UNC13B: variants seen among roughly 807,000 people sequenced by gnomAD.
The protein encoded by UNC13B is protein unc-13 homolog B.
In UNC13B, 144 loss-of-function variants were observed where a neutral mutation model predicts 211.0. That is an observed-to-expected ratio of 0.68 (90% CI 0.60 to 0.78). The LOEUF is 0.78. Ranked by LOEUF, UNC13B falls within the 30% of genes least tolerant of loss-of-function variation. The probability of loss-of-function intolerance (pLI) is 0.00; values close to 1 mark genes in which losing one functional copy is unlikely to be tolerated. For missense variants in UNC13B, 1,777 were observed against 2,002.0 expected, an observed-to-expected ratio of 0.89 and a Z score of 2.14; for synonymous variants, 709 against 725.8, an observed-to-expected ratio of 0.98 and a Z score of 0.37.
At chr9:35,314,538 C>T (rs966644860) in intron 11 of UNC13B, among the ~76,000 whole-genome samples, 1 of 152,082 alleles carries the variant, frequency 6.6e-6, no homozygotes, top group Non-Finnish European at 1.5e-5. Flanking sequence ...AGTCTTTAGG[C>T]AGAAGGTACT....
At chr9:35,310,165 A>G (rs1300409110) in intron 9 of UNC13B, among the ~76,000 whole-genome samples, 2 of 152,242 alleles carry the variant, frequency 1.3e-5, no homozygotes, top group African/African-American at 2.4e-5. Flanking sequence ...GTAACAGGCC[A>G]TTTTAATAAT....
intron 7 of UNC13B, among the ~76,000 whole-genome samples, chr9:35,263,724 G>T (rs10758301): frequency 0.54 from 82,045 of 151,854 alleles, 22,507 homozygotes; most frequent in Non-Finnish European, 0.57. Context: ...TTTGGAGACA[G>T]GGCCTGTGAG....
intron 9 of UNC13B, among the ~76,000 whole-genome samples, chr9:35,309,709 C>G (rs1830093710): frequency 6.6e-6 from 1 of 152,208 alleles, no homozygotes; most frequent in South Asian, 2.1e-4. Context: ...GAATACGGCT[C>G]TGACCCAGAT....
intron 11 of UNC13B, among the ~76,000 whole-genome samples, chr9:35,359,679 C>T (rs1287051640): frequency 6.6e-6 from 1 of 152,216 alleles, no homozygotes; most frequent in African/African-American, 2.4e-5. Flanking sequence ...CTCTCACAAC[C>T]TGTATTCAGT....
At chr9:35,259,783 G>A (rs1034568962) in intron 7 of UNC13B, among the ~76,000 whole-genome samples, 7 of 111,372 alleles carry the variant, frequency 6.3e-5, no homozygotes, top group African/African-American at 2.6e-4. Context: ...GTGTGTGTGT[G>A]TGTAGGGGGA....
intron 18 of UNC13B, 138 bp from the exon 19 acceptor site, chr9:35,380,962 C>A: frequency 1.3e-6 from 1 of 764,978 alleles, no homozygotes; most frequent in South Asian, 1.9e-5. Context: ...GAGTGATTCA[C>A]CCTATTTGGT....
intron 1 of UNC13B, among the ~76,000 whole-genome samples, chr9:35,220,761 T>G (rs1431079827): frequency 1.3e-5 from 2 of 152,190 alleles, no homozygotes; most frequent in Non-Finnish European, 2.9e-5. Context: ...TTTCCTTTTT[T>G]GGGGTATATA....
chr9:35,239,103 G>A (rs747869018), intron 5 of UNC13B, among the ~76,000 whole-genome samples: 6 of 151,898 alleles, frequency 4.0e-5, no homozygotes, highest in Non-Finnish European at 8.8e-5. Context: ...ATTATATCTG[G>A]GGAGTGCCTG....
chr9:35,397,406 T>C (rs1835956541), intron 29 of UNC13B, 96 bp downstream of exon 29: 1 of 1,548,200 alleles, frequency 6.5e-7, no homozygotes, highest in South Asian at 1.2e-5. Context: ...TGTGGCCTCC[T>C]GGTAAAGCTC....
intron 3 of UNC13B, among the ~76,000 whole-genome samples, chr9:35,232,198 T>TTTTTTTTTTTTTTTTTA (rs397941594): frequency 7.1e-6 from 1 of 141,272 alleles, no homozygotes; most frequent in Admixed American, 7.2e-5. Context: ...TTTTTTTTTT[T>TTTTTTTTTTTTTTTTTA]GAGGCAGGAT....
rs1030376370 is a variant in UNC13B at position 35,243,218 on chromosome 9, A to G, written c.395-73A>G. 1.1e-5 allele frequency: 16 copies of G among 1,437,968 alleles called. No homozygotes were observed. The African/African-American group carries it at 1.8e-4, about 16-fold the overall frequency. The allele number at this position is 1,437,968 out of a possible 1,614,324, so 89.1% of individuals were successfully genotyped here. A position where few individuals can be genotyped will look rare whatever the true frequency, so the allele number is the denominator to read the frequency against. The stretch of plus-strand genomic sequence containing the variant: ...TCTGACTTCAGTCATTAGACAGAGT[A>G]AAGTGTTATCTGCTGATGATTTATT... On this transcript the variant is annotated intron_variant, in intron 5 of 39. Coordinates refer to ENST00000635942, the MANE Select transcript of UNC13B (RefSeq NM_001371189.2).
intron 8 of UNC13B, among the ~76,000 whole-genome samples, chr9:35,297,180 C>G (rs939280424): frequency 2.7e-5 from 4 of 150,174 alleles, no homozygotes; most frequent in African/African-American, 9.8e-5. Flanking sequence ...CCTCAGCATC[C>G]CCGGTTCAAG....
intron 1 of UNC13B, among the ~76,000 whole-genome samples, chr9:35,183,539 T>G (rs1342465267): frequency 9.8e-4 from 38 of 38,624 alleles, no homozygotes; most frequent in Middle Eastern, 0.019. Flanking sequence ...ACCTCCCAGA[T>G]GAAGGGCGGC....
At chr9:35,185,014 G>T (rs1185358844) in intron 1 of UNC13B, among the ~76,000 whole-genome samples, 3 of 152,128 alleles carry the variant, frequency 2.0e-5, no homozygotes, top group South Asian at 2.1e-4. Context: ...TTCGTATGGG[G>T]GTTCCCTTCC....
chr9:35,258,903 C>A, intron 6 of UNC13B, 90 bp from the exon 7 acceptor site: 1 of 1,364,232 alleles, frequency 7.3e-7, no homozygotes. Flanking sequence ...AAACACTAAA[C>A]CTTTTTATAG....
At chr9:35,238,180 A>G (rs1825618639) in intron 5 of UNC13B, among the ~76,000 whole-genome samples, 1 of 152,214 alleles carries the variant, frequency 6.6e-6, no homozygotes, top group African/African-American at 2.4e-5. Context: ...TAATTTAAGT[A>G]TTAAATAGCA....
chr9:35,265,138 G>A (rs749286659), intron 7 of UNC13B, among the ~76,000 whole-genome samples: 1 of 152,284 alleles, frequency 6.6e-6, no homozygotes, highest in Non-Finnish European at 1.5e-5. Context: ...TGAATTATGG[G>A]GGGCTGGGGC....
At chr9:35,353,602 A>G (rs575332146) in intron 11 of UNC13B, 1 of 1,232,146 alleles carries the variant, frequency 8.1e-7, no homozygotes, top group East Asian at 3.2e-5. Flanking sequence ...CTCTGGCTCC[A>G]TGTCTGGGAA....
intron 7 of UNC13B, among the ~76,000 whole-genome samples, chr9:35,278,215 G>A (rs1160881322): frequency 6.6e-6 from 1 of 152,128 alleles, no homozygotes; most frequent in African/African-American, 2.4e-5. Flanking sequence ...CGCCCAGTTT[G>A]GCAGATTCAT....
Sources: gnomAD v4.1 joint callset for allele counts (sites outside exome capture counted in the v4.1 genomes callset) on GRCh38, gnomAD v4.1.1 for gene constraint, MANE v1.5 for transcripts, NCBI Gene and HGNC (gene_info 2026-07-23, HGNC 2026-07-21) for gene names.